GCNT2: variants seen among roughly 807,000 people sequenced by gnomAD.
The protein encoded by GCNT2 is glucosaminyl (N-acetyl) transferase 2 (I blood group).
In GCNT2, 34 loss-of-function variants were observed where a neutral mutation model predicts 34.2. The ratio of observed to expected loss-of-function variants is 1.00; its 90% CI spans 0.76 to 1.32. The LOEUF is 1.32. Among genes scored for constraint, GCNT2 ranks in the 40% most tolerant of loss-of-function variants. GCNT2 has a pLI of 0.00. For missense variants in GCNT2, 584 were observed against 489.4 expected, an observed-to-expected ratio of 1.19 and a Z score of -1.82; for synonymous variants, 212 against 188.0, an observed-to-expected ratio of 1.13 and a Z score of -1.04.
intron 3 of GCNT2, among the ~76,000 whole-genome samples, chr6:10,567,736 T>C (rs760653267): frequency 6.6e-6 from 1 of 152,208 alleles, no homozygotes. Flanking sequence ...ATCGATCTTT[T>C]CTGGAAGTTG....
chr6:10,586,572 T>A, intron 3 of GCNT2: 1 of 1,614,168 alleles, frequency 6.2e-7, no homozygotes, highest in Non-Finnish European at 8.5e-7. Context: ...TGGACAAGAC[T>A]TCCCCCTGAA....
chr6:10,585,951 C>T, intron 3 of GCNT2: 1 of 1,611,084 alleles, frequency 6.2e-7, no homozygotes, highest in Non-Finnish European at 8.5e-7. Flanking sequence ...TTCTCATTCC[C>T]TGAAAAGAAG....
chr6:10,529,904 T>A, intron 3 of GCNT2, 68 bp downstream of exon 3: 1 of 1,265,514 alleles, frequency 7.9e-7, no homozygotes, highest in Non-Finnish European at 1.1e-6. Context: ...ATAAGTTGCT[T>A]TGAAAAGAGT....
chr6:10,555,022 A>T (rs981743320), intron 3 of GCNT2, among the ~76,000 whole-genome samples: 7 of 152,204 alleles, frequency 4.6e-5, no homozygotes, highest in Non-Finnish European at 8.8e-5. Context: ...TGTGAAGGCA[A>T]GGAATCCGCG....
intron 3 of GCNT2, among the ~76,000 whole-genome samples, chr6:10,536,680 C>T (rs1294718659): frequency 6.7e-6 from 1 of 149,852 alleles, no homozygotes; most frequent in East Asian, 2.0e-4. Context: ...AAAAGGAAAT[C>T]AGAGAGTTGG....
chr6:10,529,508 C>T lies in GCNT2; in HGVS notation c.597C>T (p.Thr199=). ...NTCGQDFPLK[T]NREIVQYLKG... ...GCGGGCAAGACTTTCCCCTGAAAAC[C>T]AACAGGGAAATAGTTCAGTATCTGA... Residue 199 remains threonine, a synonymous_variant, in exon 3 of 5, where the codon ACC becomes ACT. Coordinates refer to ENST00000495262, the MANE Select transcript of GCNT2 (RefSeq NM_145649.5). 6.2e-7 allele frequency: 1 copy of T among 1,613,992 alleles called. No homozygotes were observed. The highest frequency in any genetic ancestry group is 8.5e-7 in the Non-Finnish European group (1 of 1,179,920).
chr6:10,559,153 G>C (rs773157108), intron 3 of GCNT2, among the ~76,000 whole-genome samples: 2 of 150,776 alleles, frequency 1.3e-5, no homozygotes, highest in Non-Finnish European at 2.9e-5. Flanking sequence ...CCAGAAGCCT[G>C]GTCAGTTTTA....
intron 1 of GCNT2, among the ~76,000 whole-genome samples, chr6:10,522,925 A>C (rs1285040983): frequency 6.6e-6 from 1 of 152,196 alleles, no homozygotes; most frequent in Non-Finnish European, 1.5e-5. Flanking sequence ...CAGTAAAATT[A>C]GACTTAAAAC....
rs572975207 is a variant in GCNT2 at position 10,525,226 on chromosome 6, A to G, written c.-468-2248A>G. The stretch of plus-strand genomic sequence containing the variant: ...CTGGAGAGTGAGAATTTATAAGAGT[A>G]TGTGTTATGGAGAAATAAGCAATTA... On this transcript the variant is annotated intron_variant, in intron 1 of 4. Transcript: ENST00000495262. Among the ~76,000 whole-genome samples, 124 of 152,294 alleles carry G rather than the reference A, an allele frequency of 8.1e-4. 1 individual carries two copies. The highest frequency in any genetic ancestry group is 1.6e-3 in the Non-Finnish European group (108 of 68,026).
chr6:10,589,365 G>A (rs1278620701), intron 3 of GCNT2, among the ~76,000 whole-genome samples: 1 of 130,170 alleles, frequency 7.7e-6, no homozygotes, highest in African/African-American at 2.7e-5. Context: ...TGTTTCTAGT[G>A]TGTGTTTGTA....
chr6:10,580,428 C>G (rs1403516674), intron 3 of GCNT2, among the ~76,000 whole-genome samples: 1 of 152,148 alleles, frequency 6.6e-6, no homozygotes, highest in Non-Finnish European at 1.5e-5. Context: ...ATTTGAGTGC[C>G]TGAATCCGTC....
chr6:10,621,514 G>A, intron 4 of GCNT2, 71 bp downstream of exon 4: 1 of 935,204 alleles, frequency 1.1e-6, no homozygotes. Context: ...GTGGAATCCA[G>A]GGTTCTCATG....
Position 10,563,241 on chromosome 6 carries a change from C to G in GCNT2, c.925+33405C>G, listed in dbSNP as rs553288984. ...ATACATATGGGTGTGTGAGTGGATA[C>G]AACATTAACCATTTGTACAATTTTA... On this transcript the variant is annotated intron_variant, in intron 3 of 4. Transcript: ENST00000495262. 3.5e-4 allele frequency among the ~76,000 whole-genome samples: 53 copies of G among 152,248 alleles called. 1 individual carries two copies. The South Asian group carries it at 8.3e-3, about 24-fold the overall frequency.
rs1316664787 is a variant in GCNT2 at position 10,627,498 on chromosome 6, C to T, written c.*891C>T. ...TATCCTGTGAGGCTTTTAATTGCACCATAGTATGCTCTGAGTAGCTTTACA... is the reference window on the plus strand; with the variant it reads ...TATCCTGTGAGGCTTTTAATTGCACTATAGTATGCTCTGAGTAGCTTTACA... On this transcript the variant is annotated 3_prime_UTR_variant, in exon 5 of 5. Coordinates refer to ENST00000495262, the MANE Select transcript of GCNT2 (RefSeq NM_145649.5). 1.3e-5 allele frequency: 2 copies of T among 152,102 alleles called. No individual in the cohort carries two copies. Among genetic ancestry groups the T allele is most frequent in the Admixed American group, 6.5e-5 (1 of 15,268 alleles). The allele number at this position is 152,102 out of a possible 1,614,324, so 9.4% of individuals were successfully genotyped here. A position where few individuals can be genotyped will look rare whatever the true frequency, so the allele number is the denominator to read the frequency against.
At chr6:10,624,447 C>CAAGACT (rs1401993261) in intron 4 of GCNT2, among the ~76,000 whole-genome samples, 2 of 152,092 alleles carry the variant, frequency 1.3e-5, no homozygotes, top group Non-Finnish European at 2.9e-5. Context: ...GACTTACTCA[C>CAAGACT]TACCACAAGA....
intron 3 of GCNT2, among the ~76,000 whole-genome samples, chr6:10,568,861 G>C (rs1261598206): frequency 6.6e-6 from 1 of 152,048 alleles, no homozygotes; most frequent in Non-Finnish European, 1.5e-5. Flanking sequence ...TAATGGCCTT[G>C]TTTAATGGTA....
chr6:10,568,848 AAAT>A (rs1763399357), intron 3 of GCNT2, among the ~76,000 whole-genome samples: 2 of 152,114 alleles, frequency 1.3e-5, no homozygotes, highest in Non-Finnish European at 1.5e-5. Context: ...CTCTCCATTT[AAAT>A]AATGGCCTTG....
chr6:10,549,016 T>G (rs1463025129), intron 3 of GCNT2, among the ~76,000 whole-genome samples: 1 of 152,188 alleles, frequency 6.6e-6, no homozygotes, highest in African/African-American at 2.4e-5. Context: ...CTTGGCCTTC[T>G]AAAGTGCTGG....
intron 3 of GCNT2, among the ~76,000 whole-genome samples, chr6:10,541,465 A>G (rs903947494): frequency 1.3e-5 from 2 of 152,218 alleles, no homozygotes; most frequent in African/African-American, 4.8e-5. Flanking sequence ...ATAGTGCTGC[A>G]GTGAACATAC....
Sources: gnomAD v4.1 joint callset for allele counts (sites outside exome capture counted in the v4.1 genomes callset) on GRCh38, gnomAD v4.1.1 for gene constraint, MANE v1.5 for transcripts, NCBI Gene and HGNC (gene_info 2026-07-23, HGNC 2026-07-21) for gene names.